Variants in NTM observed in about 807,000 individuals in gnomAD.
The protein encoded by NTM is IgLON family member 2.
NTM carries 13 observed loss-of-function variants against 42.1 expected under a neutral mutation model. That is an observed-to-expected ratio of 0.31 (90% CI 0.20 to 0.49). The LOEUF (loss-of-function observed/expected upper bound fraction) is 0.49, where lower values mean the gene tolerates loss of function less well. Ranked by LOEUF, NTM falls within the 20% of genes least tolerant of loss-of-function variation. NTM has a pLI of 0.99. For missense variants in NTM, 373 were observed against 452.8 expected (o/e 0.82, Z 1.60); for synonymous variants, 187 against 179.2 (o/e 1.04, Z -0.35).
intron 1 of NTM, among the ~76,000 whole-genome samples, chr11:131,380,645 C>T (rs1168857568): frequency 1.3e-5 from 2 of 152,270 alleles, no homozygotes; most frequent in East Asian, 3.9e-4. Context: ...TCCAGAAGGG[C>T]CAGGACAATC....
intron 2 of NTM, among the ~76,000 whole-genome samples, chr11:132,144,710 C>A (rs1306184090): frequency 6.6e-6 from 1 of 152,134 alleles, no homozygotes; most frequent in East Asian, 1.9e-4. Context: ...AGGTAGTCCC[C>A]AGATCTTCTC....
At chr11:132,048,374 CT>C (rs2078322755) in intron 2 of NTM, among the ~76,000 whole-genome samples, 1 of 152,192 alleles carries the variant, frequency 6.6e-6, no homozygotes, top group East Asian at 1.9e-4. Context: ...CAATACATTT[CT>C]GGTCCCTGTG....
intron 1 of NTM, among the ~76,000 whole-genome samples, chr11:131,592,767 C>T (rs1451784156): frequency 6.6e-6 from 1 of 152,012 alleles, no homozygotes; most frequent in African/African-American, 2.4e-5. Context: ...ACCTGGTCTC[C>T]TTGCCAGCCC....
At chr11:131,618,613 G>T (rs1286861308) in intron 1 of NTM, among the ~76,000 whole-genome samples, 2 of 152,182 alleles carry the variant, frequency 1.3e-5, no homozygotes, top group African/African-American at 4.8e-5. Context: ...GTAACATCAG[G>T]ATGTGAGCCC....
chr11:132,037,272 T>A (rs536429946), intron 2 of NTM, among the ~76,000 whole-genome samples: 1 of 152,134 alleles, frequency 6.6e-6, no homozygotes, highest in South Asian at 2.1e-4. Context: ...CTCTCTTGCT[T>A]CCTCTCTCCC....
intron 1 of NTM, among the ~76,000 whole-genome samples, chr11:131,749,702 G>T (rs1051255200): frequency 3.9e-5 from 6 of 152,158 alleles, no homozygotes; most frequent in Non-Finnish European, 7.3e-5. Context: ...AGGTTCAAGA[G>T]ATTCTCCTGC....
rs566502276 is a variant in NTM, at chr11:131,973,040, A to G, written c.167+61392A>G. Among the ~76,000 whole-genome samples the G allele has an allele frequency of 2.6e-5, 4 of 152,372 alleles. No homozygotes were observed. The East Asian group carries it at 7.7e-4, about 29-fold the overall frequency. ...CTTAACAGTTTACTTAAGTAAAGAA[A>G]AGATTCGTTCTTTAGGATCTGTGAA... is the stretch of plus-strand genomic sequence containing the variant. On this transcript the variant is annotated intron_variant, in intron 2 of 8. Coordinates refer to ENST00000683400, the MANE Select transcript of NTM (RefSeq NM_001352005.2).
intron 1 of NTM, among the ~76,000 whole-genome samples, chr11:131,861,516 A>G (rs2046634494): frequency 6.6e-6 from 1 of 152,202 alleles, no homozygotes; most frequent in Non-Finnish European, 1.5e-5. Flanking sequence ...AAGGAAAAAC[A>G]ACTTGATAGA....
intron 1 of NTM, among the ~76,000 whole-genome samples, chr11:131,552,699 T>A (rs937117695): frequency 2.7e-5 from 4 of 150,536 alleles, no homozygotes; most frequent in African/African-American, 9.8e-5. Context: ...GCGCCTGTAG[T>A]CCCAGCAACA....
Position 131,653,149 on chromosome 11 carries a change from G to A in NTM, c.83-258415G>A, listed in dbSNP as rs1313748352. 2.6e-5 allele frequency among the ~76,000 whole-genome samples: 4 copies of A among 152,348 alleles called. No homozygotes were observed. In the East Asian group the frequency reaches 5.8e-4, roughly 22 times the overall value. On this transcript the variant is annotated intron_variant, in intron 1 of 8. Coordinates refer to ENST00000683400, the MANE Select transcript of NTM (RefSeq NM_001352005.2). ...TGGACCACAGAGCCAGCTCCAGAAA[G>A]GAGAAGGCAGGAAAGAAGAGACTTC... is the stretch of plus-strand genomic sequence containing the variant.
intron 1 of NTM, among the ~76,000 whole-genome samples, chr11:131,605,298 TTACTC>T (rs966519012): frequency 1.4e-4 from 22 of 152,222 alleles, no homozygotes; most frequent in African/African-American, 4.1e-4. Flanking sequence ...CCTGAGTACT[TTACTC>T]TTTTTGATGT....
chr11:131,712,649 C>T lies in NTM; in HGVS notation c.83-198915C>T, dbSNP rs1388688124. 7.9e-5 allele frequency among the ~76,000 whole-genome samples: 12 copies of T among 152,034 alleles called. No individual in the cohort carries two copies. The East Asian group carries it at 2.1e-3, about 27-fold the overall frequency. ...TTTAAGACAGGATCTCACTCTGTCA[C>T]TCAGGCTGGAGTGCCTTGGCACGAT... On this transcript the variant is annotated intron_variant, in intron 1 of 8. Coordinates refer to ENST00000683400, the MANE Select transcript of NTM (RefSeq NM_001352005.2).
At chr11:132,309,862 C>T (rs1206142859) in intron 5 of NTM, among the ~76,000 whole-genome samples, 1 of 152,068 alleles carries the variant, frequency 6.6e-6, no homozygotes, top group African/African-American at 2.4e-5. Flanking sequence ...TGGAGACCAG[C>T]CTGGCCAACA....
At chr11:131,401,838 A>ATG (rs1180972801) in intron 1 of NTM, among the ~76,000 whole-genome samples, 2 of 93,036 alleles carry the variant, frequency 2.1e-5, no homozygotes, top group African/African-American at 7.6e-5. Context: ...ATATATATAT[A>ATG]TATATATATA....
Position 131,986,284 on chromosome 11 carries a change from A to G in NTM, c.167+74636A>G, listed in dbSNP as rs1171422314. 3.3e-5 allele frequency among the ~76,000 whole-genome samples: 5 copies of G among 152,298 alleles called. 1 individual carries two copies. Among genetic ancestry groups the G allele is most frequent in the African/African-American group, 1.2e-4 (5 of 41,550 alleles). ...CATGAAATAGCATAGCAGAGATTGGATGAGAGTCATCTGCTGTTCTGGATT... is the reference window on the plus strand; with the variant it reads ...CATGAAATAGCATAGCAGAGATTGGGTGAGAGTCATCTGCTGTTCTGGATT... On this transcript the variant is annotated intron_variant, in intron 2 of 8. Transcript: ENST00000683400.
At chr11:131,783,937 C>T (rs1188065490) in intron 1 of NTM, among the ~76,000 whole-genome samples, 1 of 152,190 alleles carries the variant, frequency 6.6e-6, no homozygotes, top group East Asian at 1.9e-4. Context: ...CAACTCAATC[C>T]TGAGAAGACA....
intron 7 of NTM, among the ~76,000 whole-genome samples, chr11:132,322,701 T>C (rs1160973744): frequency 7.5e-6 from 1 of 132,962 alleles, no homozygotes; most frequent in Non-Finnish European, 1.6e-5. Context: ...TACAGAACTC[T>C]CCACCCCAAA....
chr11:131,876,327 T>C (rs1291800739), intron 1 of NTM, among the ~76,000 whole-genome samples: 3 of 152,180 alleles, frequency 2.0e-5, no homozygotes, highest in African/African-American at 4.8e-5. Context: ...GTGATGAAGA[T>C]GCCAGTGATA....
intron 4 of NTM, among the ~76,000 whole-genome samples, chr11:132,229,807 C>T (rs1264183141): frequency 6.6e-6 from 1 of 152,186 alleles, no homozygotes; most frequent in African/African-American, 2.4e-5. Flanking sequence ...GCAGCAGTCA[C>T]CTCTATGGAT....
Sources: gnomAD v4.1 joint callset for allele counts (sites outside exome capture counted in the v4.1 genomes callset) on GRCh38, gnomAD v4.1.1 for gene constraint, MANE v1.5 for transcripts, NCBI Gene and HGNC (gene_info 2026-07-23, HGNC 2026-07-21) for gene names.